Variants in PLB1 observed in about 807,000 individuals in gnomAD.
The protein encoded by PLB1 is phospholipase B1, membrane-associated.
In PLB1, 242 loss-of-function variants were observed where a neutral mutation model predicts 227.4. That is an observed-to-expected ratio of 1.06 (90% CI 0.96 to 1.18). The LOEUF (loss-of-function observed/expected upper bound fraction) is 1.18. PLB1 is among the 50% of genes most tolerant of loss of function. The pLI is 0.00. For missense variants in PLB1, 1,858 were observed against 1,816.3 expected (o/e 1.02, Z -0.42); for synonymous variants, 757 against 682.2 (o/e 1.11, Z -1.71).
chr2:28,537,101 G>A (rs1252979894), intron 9 of PLB1, among the ~76,000 whole-genome samples: 2 of 152,158 alleles, frequency 1.3e-5, no homozygotes, highest in African/African-American at 2.4e-5. Flanking sequence ...AAGGCTTTAC[G>A]GTAACAGACC....
chr2:28,602,353 C>A (rs1300965525), intron 38 of PLB1, among the ~76,000 whole-genome samples: 1 of 152,238 alleles, frequency 6.6e-6, no homozygotes, highest in Non-Finnish European at 1.5e-5. Flanking sequence ...CCCAGCAGCA[C>A]ATTCCCCCTC....
chr2:28,551,213 G>T (rs936374506), intron 16 of PLB1, among the ~76,000 whole-genome samples: 1 of 152,232 alleles, frequency 6.6e-6, no homozygotes, highest in Non-Finnish European at 1.5e-5. Flanking sequence ...AACCCAGATT[G>T]TGTGGAGCTC....
At chr2:28,584,442 A>G (rs1445420887) in intron 25 of PLB1, among the ~76,000 whole-genome samples, 1 of 152,202 alleles carries the variant, frequency 6.6e-6, no homozygotes, top group East Asian at 1.9e-4. Context: ...GCTGGCTCAC[A>G]CTTTCTCCAG....
Position 28,601,241 on chromosome 2 carries a change from C to T in PLB1, c.2527-11C>T, listed in dbSNP as rs1468985227. ...TTGGAAATTATCAAGCATTTTCCTC[C>T]CTCCATATAGAGAGTAAATTTCCAT... On this transcript the variant is annotated splice_polypyrimidine_tract_variant and intron_variant, in intron 36 of 57. Coordinates refer to ENST00000327757, the MANE Select transcript of PLB1 (RefSeq NM_153021.5). The T allele has an allele frequency of 6.2e-7, 1 of 1,606,580 alleles. No individual in the cohort carries two copies. The highest frequency in any genetic ancestry group is 8.5e-7 in the Non-Finnish European group (1 of 1,173,396).
At chr2:28,541,950 T>TG in intron 13 of PLB1, 139 bp downstream of exon 13, 1 of 669,430 alleles carries the variant, frequency 1.5e-6, no homozygotes. Context: ...CCAGCCAACA[T>TG]GGTGAAACCC....
At chr2:28,538,979 C>G in intron 10 of PLB1, 120 bp from the exon 11 acceptor site, 1 of 773,802 alleles carries the variant, frequency 1.3e-6, no homozygotes, top group Non-Finnish European at 2.3e-6. Flanking sequence ...GCCCAGTTAA[C>G]CAAGGGGAGG....
Position 28,592,597 on chromosome 2 carries a change from A to G in PLB1, c.2189-64A>G. On this transcript the variant is annotated intron_variant, in intron 31 of 57. Transcript: ENST00000327757. ...TGTTTTGGATCTTGCTTGAAGCCAGAGGCACTAGAGTGTGACTGTGGCTTC... is the reference window on the plus strand; with the variant it reads ...TGTTTTGGATCTTGCTTGAAGCCAGGGGCACTAGAGTGTGACTGTGGCTTC... 3 of 1,513,350 alleles carry G rather than the reference A, an allele frequency of 2.0e-6. No homozygotes were observed. In the South Asian group the frequency reaches 3.4e-5, roughly 17 times the overall value. 93.7% of individuals were successfully genotyped at this position (1,513,350 alleles called of 1,614,324 possible).
chr2:28,589,364 A>T, intron 26 of PLB1, 86 bp from the exon 27 acceptor site: 1 of 996,088 alleles, frequency 1.0e-6, no homozygotes, highest in Non-Finnish European at 1.6e-6. Flanking sequence ...GATTCTGTTT[A>T]ATTCTGTGTT....
At chr2:28,507,639 A>T (rs1667778840) in intron 1 of PLB1, among the ~76,000 whole-genome samples, 1 of 152,222 alleles carries the variant, frequency 6.6e-6, no homozygotes, top group Non-Finnish European at 1.5e-5. Context: ...AGAAAATGTG[A>T]TGCAAAAGTA....
At chr2:28,596,100 T>C (rs1337789569) in intron 33 of PLB1, 1 of 152,248 alleles carries the variant, frequency 6.6e-6, no homozygotes, top group Non-Finnish European at 1.5e-5. Context: ...GTCAATCTCA[T>C]ATGACTGAAA....
intron 43 of PLB1, among the ~76,000 whole-genome samples, chr2:28,607,126 C>A (rs1469726132): frequency 6.6e-6 from 1 of 152,190 alleles, no homozygotes; most frequent in Non-Finnish European, 1.5e-5. Flanking sequence ...AGGAGGAATC[C>A]GTAAGTGGTT....
intron 33 of PLB1, 103 bp from the exon 34 acceptor site, chr2:28,597,902 A>G (rs1337829111): frequency 3.5e-6 from 4 of 1,134,344 alleles, no homozygotes; most frequent in Non-Finnish European, 4.0e-6. Context: ...AAAGGTGCCG[A>G]TGGGCACTAA....
chr2:28,626,323 A>G (rs1288472508), intron 50 of PLB1, 105 bp from the exon 51 acceptor site: 1 of 878,830 alleles, frequency 1.1e-6, no homozygotes, highest in Non-Finnish European at 1.8e-6. Flanking sequence ...CTGTTACAGT[A>G]TAAATAAGAC....
chr2:28,524,751 A>G (rs1180282164), intron 4 of PLB1, among the ~76,000 whole-genome samples: 1 of 152,080 alleles, frequency 6.6e-6, no homozygotes, highest in African/African-American at 2.4e-5. Flanking sequence ...CATCGCTCCA[A>G]GGTCTGACAA....
chr2:28,507,473 A>C (rs113082353), intron 1 of PLB1, among the ~76,000 whole-genome samples: 2 of 151,850 alleles, frequency 1.3e-5, no homozygotes, highest in African/African-American at 4.8e-5. Flanking sequence ...TAACAAAACC[A>C]CTCCCACAAT....
At chr2:28,608,033 C>T (rs1335610798) in intron 43 of PLB1, among the ~76,000 whole-genome samples, 1 of 152,174 alleles carries the variant, frequency 6.6e-6, no homozygotes, top group Non-Finnish European at 1.5e-5. Context: ...GGCAGAGACC[C>T]CCAAAAGGAG....
Position 28,606,700 on chromosome 2 carries a change from A to T in PLB1, c.3129+133A>T, listed in dbSNP as rs1684730703. 3 of 798,440 alleles carry T rather than the reference A, an allele frequency of 3.8e-6. 1 individual carries two copies. The South Asian group carries it at 4.6e-5, about 12-fold the overall frequency. The allele number at this position is 798,440 out of a possible 1,614,324, so 49.5% of individuals were successfully genotyped here. On this transcript the variant is annotated intron_variant, in intron 43 of 57. Transcript: ENST00000327757. ...TACTGAGGCCTGAGAGATTTGGAGG[A>T]TGGAGGGGAGTCCATGAGGATGGAC...
chr2:28,534,808 C>T (rs1482905085), intron 9 of PLB1, among the ~76,000 whole-genome samples: 3 of 151,952 alleles, frequency 2.0e-5, no homozygotes, highest in South Asian at 2.1e-4. Flanking sequence ...GAGCCAAGAT[C>T]GCACTACTGC....
intron 21 of PLB1, among the ~76,000 whole-genome samples, chr2:28,574,920 T>A: frequency 6.6e-6 from 1 of 152,252 alleles, no homozygotes; most frequent in East Asian, 1.9e-4. Flanking sequence ...TGTTGGTTGA[T>A]GAGCACTTAG....
Sources: allele counts gnomAD v4.1 joint callset (sites outside exome capture counted in the v4.1 genomes callset), GRCh38; gene constraint gnomAD v4.1.1; transcripts MANE v1.5; gene names NCBI Gene and HGNC (gene_info 2026-07-23, HGNC 2026-07-21).